Variants in HPSE2 observed in about 807,000 individuals in gnomAD.
HPSE2 encodes the protein heparanase 2 (inactive).
Under a neutral mutation model 60.5 loss-of-function variants are expected in HPSE2, and 38 were observed. The observed-to-expected ratio is 0.63, with a 90% confidence interval of 0.48 to 0.82. The LOEUF is 0.82. Ranked by LOEUF, HPSE2 falls within the 40% of genes least tolerant of loss-of-function variation. The pLI, the probability that HPSE2 is intolerant of heterozygous loss-of-function variation, is 0.00. For missense variants in HPSE2, 713 were observed against 740.4 expected (o/e 0.96, Z 0.43); for synonymous variants, 295 against 293.2 (o/e 1.01, Z -0.06).
intron 3 of HPSE2, among the ~76,000 whole-genome samples, chr10:99,041,277 T>C (rs1301564665): frequency 2.0e-5 from 3 of 151,674 alleles, no homozygotes; most frequent in Non-Finnish European, 2.9e-5. Context: ...GAGGCCACAT[T>C]GAGATTCATA....
At chr10:98,568,691 G>A (rs1471320313) in intron 9 of HPSE2, among the ~76,000 whole-genome samples, 1 of 151,956 alleles carries the variant, frequency 6.6e-6, no homozygotes, top group Non-Finnish European at 1.5e-5. Flanking sequence ...TTTCCTTTCC[G>A]GGCTTCAGGT....
intron 3 of HPSE2, chr10:99,013,727 C>T: frequency 4.6e-6 from 1 of 219,666 alleles, no homozygotes; most frequent in South Asian, 6.8e-5. Flanking sequence ...CCACCTCAGC[C>T]TCCCAAAGCG....
intron 3 of HPSE2, among the ~76,000 whole-genome samples, chr10:98,954,718 G>GA (rs1955459130): frequency 6.6e-6 from 1 of 151,930 alleles, no homozygotes; most frequent in Non-Finnish European, 1.5e-5. Context: ...TAAATTGAAT[G>GA]AAAAAATTCC....
At chr10:99,033,402 T>G (rs1957541291) in intron 3 of HPSE2, among the ~76,000 whole-genome samples, 1 of 152,158 alleles carries the variant, frequency 6.6e-6, no homozygotes, top group Admixed American at 6.5e-5. Flanking sequence ...CAAATAAGCA[T>G]ATGACATGAC....
At chr10:99,042,119 G>A (rs1957752875) in intron 3 of HPSE2, among the ~76,000 whole-genome samples, 1 of 151,764 alleles carries the variant, frequency 6.6e-6, no homozygotes, top group African/African-American at 2.4e-5. Context: ...ACAACTGGCA[G>A]GCCCTCTCCT....
intron 3 of HPSE2, among the ~76,000 whole-genome samples, chr10:98,884,806 C>T (rs1297212625): frequency 6.6e-6 from 1 of 152,106 alleles, no homozygotes; most frequent in Non-Finnish European, 1.5e-5. Flanking sequence ...GAGCACACAA[C>T]CTAGATCCCT....
the HPSE2 span, among the ~76,000 whole-genome samples, chr10:99,258,939 C>G: frequency 6.6e-6 from 1 of 152,220 alleles, no homozygotes; most frequent in African/African-American, 2.4e-5. Context: ...TTCTTTATGA[C>G]TTTTGGTTAA....
chr10:98,537,631 C>T (rs545978306), intron 9 of HPSE2, among the ~76,000 whole-genome samples: 84 of 152,324 alleles, frequency 5.5e-4, no homozygotes, highest in African/African-American at 1.5e-3. Context: ...CCTTCTGTCA[C>T]GCCCGCATAA....
At chr10:98,849,752 AT>A (rs937578346) in intron 3 of HPSE2, among the ~76,000 whole-genome samples, 21 of 148,698 alleles carry the variant, frequency 1.4e-4, no homozygotes, top group South Asian at 2.1e-4. Flanking sequence ...AAGCTCCTCG[AT>A]TTTTTTTTTT....
chr10:98,762,300 TG>T (rs144519218), intron 3 of HPSE2, among the ~76,000 whole-genome samples: 6,130 of 77,768 alleles, frequency 0.079, 513 homozygotes, highest in African/African-American at 0.25. Context: ...GGGTGGGGGG[TG>T]GGGGGTGCTA....
chr10:98,712,175 C>T (rs1948690152), intron 5 of HPSE2, among the ~76,000 whole-genome samples: 1 of 151,910 alleles, frequency 6.6e-6, no homozygotes, highest in African/African-American at 2.4e-5. Flanking sequence ...GGACTCCAGC[C>T]TCCATCTCCA....
At chr10:98,974,772 T>C (rs185844158) in intron 3 of HPSE2, among the ~76,000 whole-genome samples, 51 of 152,218 alleles carry the variant, frequency 3.4e-4, no homozygotes, top group African/African-American at 1.2e-3. Flanking sequence ...ATTATAAAAA[T>C]TGTATCACCT....
At chr10:99,172,526 TATC>T (rs1847351243) in intron 2 of HPSE2, among the ~76,000 whole-genome samples, 5 of 152,216 alleles carry the variant, frequency 3.3e-5, no homozygotes, top group African/African-American at 1.2e-4. Context: ...ATATTGGTCC[TATC>T]TACCCTCAAG....
chr10:99,244,568 ATTTTT>A, the HPSE2 span, among the ~76,000 whole-genome samples: 1 of 73,718 alleles, frequency 1.4e-5, no homozygotes, highest in South Asian at 6.5e-4. Context: ...CTATGCCTGG[ATTTTT>A]TTTTTTTTTT....
At chr10:98,860,348 A>T (rs1952426704) in intron 3 of HPSE2, among the ~76,000 whole-genome samples, 1 of 152,152 alleles carries the variant, frequency 6.6e-6, no homozygotes, top group Non-Finnish European at 1.5e-5. Flanking sequence ...CCAGCTGTGG[A>T]AGCTTTGAAT....
At chr10:99,213,256 C>T (rs1849009335) in intron 2 of HPSE2, among the ~76,000 whole-genome samples, 1 of 151,698 alleles carries the variant, frequency 6.6e-6, no homozygotes, top group Non-Finnish European at 1.5e-5. Context: ...AGAAAAAATA[C>T]TCTTGGAATA....
chr10:99,118,936 A>C (rs766576797), intron 3 of HPSE2, among the ~76,000 whole-genome samples: 12 of 151,934 alleles, frequency 7.9e-5, no homozygotes, highest in Admixed American at 2.0e-4. Flanking sequence ...GACTCACTGG[A>C]ACCTGGGAGG....
At chr10:98,476,365 A>G (rs1283555764) in intron 11 of HPSE2, among the ~76,000 whole-genome samples, 137 of 147,738 alleles carry the variant, frequency 9.3e-4, no homozygotes, top group African/African-American at 2.6e-3. Flanking sequence ...AGATATACCT[A>G]ATGCTAAATG....
chr10:99,079,085 A>G (rs139123424), intron 3 of HPSE2, among the ~76,000 whole-genome samples: 169 of 152,256 alleles, frequency 1.1e-3, no homozygotes, highest in Middle Eastern at 0.01. Context: ...TTCCGTATTG[A>G]GTCATGGAAA....
Sources: gnomAD v4.1 joint callset for allele counts (sites outside exome capture counted in the v4.1 genomes callset) on GRCh38, gnomAD v4.1.1 for gene constraint, MANE v1.5 for transcripts, NCBI Gene and HGNC (gene_info 2026-07-23, HGNC 2026-07-21) for gene names.